Variants in ERBB4 observed in about 807,000 individuals in gnomAD.
ERBB4 encodes the protein receptor tyrosine-protein kinase erbB-4.
Under a neutral mutation model 158.0 loss-of-function variants are expected in ERBB4, and 42 were observed. The ratio of observed to expected loss-of-function variants is 0.27; its 90% CI spans 0.21 to 0.34. ERBB4 has a LOEUF of 0.34. Ranked by LOEUF, ERBB4 falls within the 10% of genes least tolerant of loss-of-function variation. The pLI, the probability that ERBB4 is intolerant of heterozygous loss-of-function variation, is 1.00. For synonymous variants in ERBB4, 583 were observed against 558.7 expected (o/e 1.04, Z -0.61); for missense variants, 1,333 against 1,624.1 (o/e 0.82, Z 3.08).
intron 25 of ERBB4, among the ~76,000 whole-genome samples, chr2:211,420,233 G>A (rs1360152349): frequency 1.3e-5 from 2 of 151,980 alleles, no homozygotes; most frequent in Non-Finnish European, 2.9e-5. Flanking sequence ...AGGTATTTCA[G>A]AGTACATGTT....
At chr2:211,970,435 T>C (rs1190791234) in intron 2 of ERBB4, among the ~76,000 whole-genome samples, 1 of 152,156 alleles carries the variant, frequency 6.6e-6, no homozygotes, top group Non-Finnish European at 1.5e-5. Context: ...GTCCTGAATA[T>C]CTTAATTTTC....
chr2:212,255,508 G>A (rs2084696209), intron 1 of ERBB4, among the ~76,000 whole-genome samples: 2 of 152,138 alleles, frequency 1.3e-5, no homozygotes, highest in South Asian at 2.1e-4. Context: ...TAGTCTATCA[G>A]TTCTTGCTGT....
chr2:212,272,640 T>C (rs974151926), intron 1 of ERBB4, among the ~76,000 whole-genome samples: 2 of 151,796 alleles, frequency 1.3e-5, no homozygotes, highest in African/African-American at 4.8e-5. Flanking sequence ...AATACATAGT[T>C]TGACTGATGC....
chr2:212,373,953 T>TATATATCC (rs1560147311), intron 1 of ERBB4, among the ~76,000 whole-genome samples: 2 of 111,036 alleles, frequency 1.8e-5, no homozygotes, highest in African/African-American at 6.7e-5. Context: ...ATATATATCA[T>TATATATCC]ATATATATCC....
At chr2:211,992,576 A>AAAAAC (rs1553528798) in intron 2 of ERBB4, among the ~76,000 whole-genome samples, 4 of 151,770 alleles carry the variant, frequency 2.6e-5, no homozygotes, top group African/African-American at 9.7e-5. Flanking sequence ...AGAAAAAAAA[A>AAAAAC]AAAAACATGA....
At position 211,911,980 on chromosome 2, in the gene ERBB4, A is replaced by G. The variant is rs2079551458; in HGVS notation, c.421+35450T>C. ...ATTAAGCCAGCTTTAGAGTGCATCT[A>G]GGGAAACACACCAGCCACAGATAAA... On this transcript the variant is annotated intron_variant, in intron 3 of 27. Transcript: ENST00000342788. Among the ~76,000 whole-genome samples, 3 of 152,164 alleles carry G rather than the reference A, an allele frequency of 2.0e-5. No individual in the cohort carries two copies. In the South Asian group the frequency reaches 6.2e-4, roughly 31 times the overall value.
At chr2:212,010,078 G>C (rs553484987) in intron 2 of ERBB4, among the ~76,000 whole-genome samples, 32 of 152,236 alleles carry the variant, frequency 2.1e-4, no homozygotes, top group African/African-American at 7.5e-4. Flanking sequence ...GCCCCAACAT[G>C]TTTTTCCAGC....
intron 12 of ERBB4, among the ~76,000 whole-genome samples, chr2:211,691,602 GTA>G (rs796180189): frequency 0.088 from 12,824 of 145,076 alleles, 792 homozygotes; most frequent in Non-Finnish European, 0.13. Flanking sequence ...GTGTGTGTGT[GTA>G]TATATATAAC....
intron 1 of ERBB4, among the ~76,000 whole-genome samples, chr2:212,344,860 G>C (rs2088905395): frequency 1.3e-5 from 2 of 151,986 alleles, no homozygotes; most frequent in African/African-American, 4.8e-5. Context: ...AATTTCAGTG[G>C]GCAGATAATT....
chr2:211,656,676 C>T (rs2071230449), intron 16 of ERBB4, among the ~76,000 whole-genome samples: 1 of 152,214 alleles, frequency 6.6e-6, no homozygotes, highest in Admixed American at 6.5e-5. Context: ...CATTTCTGTC[C>T]TGATGGTTTC....
intron 19 of ERBB4, among the ~76,000 whole-genome samples, chr2:211,611,463 A>G (rs2069197750): frequency 2.0e-5 from 1 of 49,948 alleles, no homozygotes; most frequent in Non-Finnish European, 4.4e-5. Flanking sequence ...TCTTGCTGCC[A>G]CACACTCTTT....
At chr2:211,516,898 G>T (rs1336910925) in intron 20 of ERBB4, among the ~76,000 whole-genome samples, 1 of 152,040 alleles carries the variant, frequency 6.6e-6, no homozygotes, top group Non-Finnish European at 1.5e-5. Context: ...TCCTTCTCAG[G>T]CACAGGGATA....
chr2:211,944,069 C>T (rs904406165), intron 3 of ERBB4, among the ~76,000 whole-genome samples: 2 of 100,084 alleles, frequency 2.0e-5, no homozygotes, highest in African/African-American at 7.5e-5. Context: ...TATATATATA[C>T]ACATGGTTAC....
At chr2:212,157,140 C>A (rs1575719653) in intron 1 of ERBB4, among the ~76,000 whole-genome samples, 1 of 152,104 alleles carries the variant, frequency 6.6e-6, no homozygotes, top group East Asian at 1.9e-4. Flanking sequence ...GTTTACATCT[C>A]TGGCTTTAGC....
At chr2:211,504,838 C>G (rs980788867) in intron 20 of ERBB4, among the ~76,000 whole-genome samples, 1 of 151,972 alleles carries the variant, frequency 6.6e-6, no homozygotes, top group Non-Finnish European at 1.5e-5. Context: ...ATAGATGAGA[C>G]AAAGCAGAAA....
At chr2:212,436,005 GAAT>G (rs1382946289) in intron 1 of ERBB4, among the ~76,000 whole-genome samples, 1 of 151,744 alleles carries the variant, frequency 6.6e-6, no homozygotes, top group Non-Finnish European at 1.5e-5. Flanking sequence ...CACCCTCAAT[GAAT>G]AGAAAATTCA....
chr2:211,653,564 T>C (rs1421944221), intron 16 of ERBB4, among the ~76,000 whole-genome samples: 4 of 148,086 alleles, frequency 2.7e-5, no homozygotes, highest in Non-Finnish European at 5.9e-5. Context: ...TATTTTGAAA[T>C]GGCCACATTG....
chr2:211,866,324 T>A (rs1186280645), intron 3 of ERBB4, among the ~76,000 whole-genome samples: 1 of 152,182 alleles, frequency 6.6e-6, no homozygotes, highest in Non-Finnish European at 1.5e-5. Flanking sequence ...TTATGTCCTA[T>A]CACTCTTTCT....
At chr2:212,267,598 T>TTTTTTTTGTC (rs1553607811) in intron 1 of ERBB4, among the ~76,000 whole-genome samples, 1 of 134,742 alleles carries the variant, frequency 7.4e-6, no homozygotes, top group Non-Finnish European at 1.5e-5. Flanking sequence ...TTCTCATTTC[T>TTTTTTTTGTC]TTTTTTTTTT....
Sources: gnomAD v4.1 joint callset for allele counts (sites outside exome capture counted in the v4.1 genomes callset) on GRCh38, gnomAD v4.1.1 for gene constraint, MANE v1.5 for transcripts, NCBI Gene and HGNC (gene_info 2026-07-23, HGNC 2026-07-21) for gene names.